The following DCC variants were observed in gnomAD, a reference collection of about 807,000 sequenced individuals.
The protein encoded by DCC is netrin receptor DCC.
DCC carries 58 observed loss-of-function variants against 172.5 expected under a neutral mutation model. That is an observed-to-expected ratio of 0.34 (90% CI 0.27 to 0.42). The LOEUF is 0.42. Ranked by LOEUF, DCC falls within the 10% of genes least tolerant of loss-of-function variation. The probability of loss-of-function intolerance (pLI) is 1.00; values close to 1 mark genes in which losing one functional copy is unlikely to be tolerated. For missense variants in DCC, 1,740 were observed against 1,791.0 expected, an observed-to-expected ratio of 0.97 and a Z score of 0.51; for synonymous variants, 709 against 644.5, an observed-to-expected ratio of 1.10 and a Z score of -1.52.
At chr18:53,173,549 C>G (rs1470730819) in intron 8 of DCC, among the ~76,000 whole-genome samples, 3 of 152,104 alleles carry the variant, frequency 2.0e-5, no homozygotes, top group African/African-American at 7.2e-5. Flanking sequence ...ATAAAACAGA[C>G]TTTAAACCAA....
intron 1 of DCC, among the ~76,000 whole-genome samples, chr18:52,467,046 A>T (rs201977216): frequency 0.25 from 30,489 of 121,338 alleles, 3,643 homozygotes; most frequent in Non-Finnish European, 0.3. Flanking sequence ...GGTTTTTTTA[A>T]AAAAAAAATA....
In DCC at chr18:53,066,263, T is replaced by C. The variant is rs923076707; in HGVS notation, c.1261+97T>C. ...TGTTTTTCCTACCCCTCAAGGGCAA[T>C]ATGGCAATATGAAATCATTTAGTTA... is the stretch of plus-strand genomic sequence containing the variant. On this transcript the variant is annotated intron_variant, in intron 7 of 28. Coordinates refer to ENST00000442544, the MANE Select transcript of DCC (RefSeq NM_005215.4). 18 of 1,137,880 alleles carry C rather than the reference T, an allele frequency of 1.6e-5. No individual in the cohort carries two copies. The African/African-American group carries it at 2.8e-4, about 17-fold the overall frequency. The allele number at this position is 1,137,880 out of a possible 1,614,324, so 70.5% of individuals were successfully genotyped here.
intron 5 of DCC, among the ~76,000 whole-genome samples, chr18:52,959,767 C>T (rs1008396743): frequency 2.0e-5 from 3 of 152,014 alleles, no homozygotes; most frequent in Admixed American, 2.0e-4. Flanking sequence ...CAAGATATAT[C>T]TGCTGTTTTT....
intron 1 of DCC, among the ~76,000 whole-genome samples, chr18:52,354,471 G>A (rs562657268): frequency 6.6e-6 from 1 of 152,286 alleles, no homozygotes; most frequent in Non-Finnish European, 1.5e-5. Context: ...TTGTGGCAAA[G>A]TCTAACTTGA....
intron 12 of DCC, among the ~76,000 whole-genome samples, chr18:53,218,782 T>C (rs1260385442): frequency 6.6e-6 from 1 of 152,138 alleles, no homozygotes; most frequent in Non-Finnish European, 1.5e-5. Context: ...ATAAGAATAA[T>C]TTCCTTAAGA....
chr18:52,610,172 AAAAAAAATATATATATATATATAT>A (rs1568254150), intron 1 of DCC, among the ~76,000 whole-genome samples: 5 of 18,812 alleles, frequency 2.7e-4, no homozygotes, highest in South Asian at 2.6e-3. Flanking sequence ...AAAAAAAAAA[AAAAAAAATATATATATATATATAT>A]ATATATATAT....
chr18:53,075,182 A>G (rs185808849), intron 7 of DCC, among the ~76,000 whole-genome samples: 4 of 152,320 alleles, frequency 2.6e-5, no homozygotes, highest in Admixed American at 6.5e-5. Flanking sequence ...GGACAAGGTT[A>G]AGGGAAAAGT....
chr18:53,079,832 G>A (rs889601109), intron 7 of DCC, among the ~76,000 whole-genome samples: 4 of 152,136 alleles, frequency 2.6e-5, no homozygotes, highest in Non-Finnish European at 4.4e-5. Context: ...ACACATGGGA[G>A]CATAGAGCAG....
intron 14 of DCC, among the ~76,000 whole-genome samples, chr18:53,337,628 C>T (rs1267552062): frequency 6.6e-6 from 1 of 151,876 alleles, no homozygotes; most frequent in Non-Finnish European, 1.5e-5. Flanking sequence ...CCCTTTTTGC[C>T]CACAAAGGGC....
At chr18:52,472,954 C>T (rs1344321048) in intron 1 of DCC, among the ~76,000 whole-genome samples, 2 of 152,004 alleles carry the variant, frequency 1.3e-5, no homozygotes, top group African/African-American at 4.8e-5. Context: ...TTTCGTAGAG[C>T]CTTAAACCAA....
At chr18:53,200,638 G>A (rs1232446818) in intron 9 of DCC, among the ~76,000 whole-genome samples, 1 of 152,168 alleles carries the variant, frequency 6.6e-6, no homozygotes, top group East Asian at 1.9e-4. Flanking sequence ...TGGGGATACT[G>A]CTTTGAGCTG....
intron 1 of DCC, among the ~76,000 whole-genome samples, chr18:52,457,711 A>T (rs1988501739): frequency 6.6e-6 from 1 of 152,200 alleles, no homozygotes; most frequent in Non-Finnish European, 1.5e-5. Flanking sequence ...GATTTCAATA[A>T]ATGTACTTCC....
intron 5 of DCC, among the ~76,000 whole-genome samples, chr18:52,988,870 C>G (rs1011262564): frequency 3.2e-4 from 49 of 151,936 alleles, no homozygotes; most frequent in Non-Finnish European, 8.8e-5. Flanking sequence ...TTACTATTAG[C>G]TATGAATTGA....
intron 2 of DCC, among the ~76,000 whole-genome samples, chr18:52,793,145 TATG>T (rs1232561031): frequency 1.1e-4 from 16 of 152,304 alleles, no homozygotes; most frequent in African/African-American, 3.6e-4. Flanking sequence ...TTTGATCACA[TATG>T]ATGTTTACAT....
chr18:53,033,649 T>C (rs2042054533), intron 5 of DCC, among the ~76,000 whole-genome samples: 2 of 152,100 alleles, frequency 1.3e-5, no homozygotes, highest in Non-Finnish European at 2.9e-5. Context: ...TCCTGCATCA[T>C]CTATTTTTCC....
chr18:52,543,760 A>G (rs2032531745), intron 1 of DCC, among the ~76,000 whole-genome samples: 1 of 152,186 alleles, frequency 6.6e-6, no homozygotes, highest in South Asian at 2.1e-4. Context: ...ATACCAGGAC[A>G]AAAACTTAAA....
At chr18:53,338,595 C>A (rs1023958127) in intron 14 of DCC, among the ~76,000 whole-genome samples, 1 of 152,020 alleles carries the variant, frequency 6.6e-6, no homozygotes, top group African/African-American at 2.4e-5. Context: ...AGTGAGACTC[C>A]GTCTCAACAA....
chr18:52,358,943 C>T (rs1598859758), intron 1 of DCC, among the ~76,000 whole-genome samples: 1 of 152,150 alleles, frequency 6.6e-6, no homozygotes, highest in Non-Finnish European at 1.5e-5. Context: ...GTTGATTCTC[C>T]CTCTGTTAAA....
intron 13 of DCC, among the ~76,000 whole-genome samples, chr18:53,321,008 T>C (rs1462528166): frequency 6.6e-6 from 1 of 152,198 alleles, no homozygotes; most frequent in Non-Finnish European, 1.5e-5. Flanking sequence ...TGACAATAAC[T>C]AATCCTTTCT....
Sources: gnomAD v4.1 joint callset for allele counts (sites outside exome capture counted in the v4.1 genomes callset) on GRCh38, gnomAD v4.1.1 for gene constraint, MANE v1.5 for transcripts, NCBI Gene and HGNC (gene_info 2026-07-23, HGNC 2026-07-21) for gene names.